ZNF385D: variants seen among roughly 807,000 people sequenced by gnomAD.
ZNF385D encodes the protein zinc finger protein 385D.
Under a neutral mutation model 35.8 loss-of-function variants are expected in ZNF385D, and 15 were observed. The observed-to-expected ratio is 0.42, with a 90% CI of 0.28 to 0.64. The LOEUF is 0.64. Among genes scored for constraint, ZNF385D ranks in the 30% least tolerant of loss-of-function variants. ZNF385D has a pLI of 0.23. For missense variants in ZNF385D, 474 were observed against 494.6 expected (o/e 0.96, Z 0.39); for synonymous variants, 212 against 186.8 (o/e 1.13, Z -1.10).
At chr3:21,812,243 T>A (rs560561278) in intron 3 of ZNF385D, among the ~76,000 whole-genome samples, 1 of 152,194 alleles carries the variant, frequency 6.6e-6, no homozygotes, top group African/African-American at 2.4e-5. Flanking sequence ...TCCAAGATGG[T>A]CGAATAGGAA....
At chr3:22,210,513 C>G (rs1465213699) in intron 2 of ZNF385D, among the ~76,000 whole-genome samples, 2 of 151,714 alleles carry the variant, frequency 1.3e-5, no homozygotes, top group African/African-American at 4.8e-5. Flanking sequence ...CTGAAAATAC[C>G]ATGCCAAGAA....
chr3:22,336,480 A>G (rs1695164460), intron 2 of ZNF385D, among the ~76,000 whole-genome samples: 1 of 152,070 alleles, frequency 6.6e-6, no homozygotes. Context: ...CTATTTTTAT[A>G]TTCTATGTGA....
chr3:22,175,360 T>A (rs1053556358), intron 2 of ZNF385D, among the ~76,000 whole-genome samples: 3 of 151,984 alleles, frequency 2.0e-5, no homozygotes, highest in African/African-American at 4.8e-5. Context: ...TGTCATGGGA[T>A]TAGATACTGC....
intron 2 of ZNF385D, among the ~76,000 whole-genome samples, chr3:22,288,473 CCTGT>C (rs765784543): frequency 7.9e-5 from 12 of 151,966 alleles, no homozygotes; most frequent in Non-Finnish European, 1.8e-4. Context: ...TTTCCAGTGA[CCTGT>C]CTTTGAGTTC....
In ZNF385D at chr3:22,049,482, C is replaced by T. The variant is rs538333103; in HGVS notation, c.325+119335G>A. Among the ~76,000 whole-genome samples, 6 of 152,096 alleles carry T rather than the reference C, an allele frequency of 3.9e-5. No individual in the cohort carries two copies. The East Asian group carries it at 9.7e-4, about 24-fold the overall frequency. On this transcript the variant is annotated intron_variant, in intron 3 of 5. Coordinates refer to the ZNF385D transcript ENST00000494108. The stretch of plus-strand genomic sequence containing the variant: ...AAACAAGTGTACCCATGTCCTCCAC[C>T]TTCCTTCCCATCGGATGCCTTTTAT...
chr3:22,260,204 T>C (rs1700550404), intron 2 of ZNF385D, among the ~76,000 whole-genome samples: 1 of 151,920 alleles, frequency 6.6e-6, no homozygotes, highest in African/African-American at 2.4e-5. Flanking sequence ...ATCCAAGAAA[T>C]GGAAGCCTTC....
chr3:21,779,196 T>G (rs1020932597), intron 3 of ZNF385D, among the ~76,000 whole-genome samples: 1 of 151,920 alleles, frequency 6.6e-6, no homozygotes, highest in Non-Finnish European at 1.5e-5. Flanking sequence ...TCAGTGTCAT[T>G]AAGACCACTG....
At chr3:21,830,235 T>C (rs983492036) in intron 3 of ZNF385D, among the ~76,000 whole-genome samples, 2 of 152,242 alleles carry the variant, frequency 1.3e-5, no homozygotes, top group African/African-American at 2.4e-5. Flanking sequence ...ACTCTGTCTG[T>C]TATGCACATG....
intron 3 of ZNF385D, among the ~76,000 whole-genome samples, chr3:21,921,987 C>G (rs553624349): frequency 2.0e-5 from 3 of 152,132 alleles, no homozygotes; most frequent in Middle Eastern, 3.2e-3. Flanking sequence ...TTCTTCCTAA[C>G]TCATGTTATG....
At chr3:21,560,280 C>T (rs1421867595) in intron 3 of ZNF385D, among the ~76,000 whole-genome samples, 1 of 152,186 alleles carries the variant, frequency 6.6e-6, no homozygotes, top group Non-Finnish European at 1.5e-5. Flanking sequence ...GCTGGTTTCT[C>T]CCCATCTTCG....
At chr3:22,027,690 C>A (rs1433802035) in intron 3 of ZNF385D, among the ~76,000 whole-genome samples, 2 of 152,256 alleles carry the variant, frequency 1.3e-5, no homozygotes, top group Non-Finnish European at 2.9e-5. Flanking sequence ...CAGCTGCATT[C>A]CATCATCAAA....
chr3:21,437,701 C>CAAAAAAAAAAAAAAAAAAAAAAA (rs751739275), intron 4 of ZNF385D, among the ~76,000 whole-genome samples: 1 of 77,196 alleles, frequency 1.3e-5, no homozygotes, highest in Non-Finnish European at 2.3e-5. Context: ...AATGCTTATA[C>CAAAAAAAAAAAAAAAAAAAAAAA]AAAAAAAAAA....
intron 2 of ZNF385D, among the ~76,000 whole-genome samples, chr3:21,629,342 G>A (rs1368470845): frequency 1.3e-5 from 2 of 152,068 alleles, no homozygotes; most frequent in African/African-American, 4.8e-5. Context: ...TCCCTGCATA[G>A]CATTCTATAA....
At chr3:21,765,398 A>G (rs2070783759) in intron 3 of ZNF385D, among the ~76,000 whole-genome samples, 1 of 152,122 alleles carries the variant, frequency 6.6e-6, no homozygotes, top group African/African-American at 2.4e-5. Context: ...TATGAAATAC[A>G]CAGGGCTTTC....
At chr3:22,094,624 A>G (rs1015542390) in intron 3 of ZNF385D, among the ~76,000 whole-genome samples, 1 of 151,860 alleles carries the variant, frequency 6.6e-6, no homozygotes, top group African/African-American at 2.4e-5. Context: ...CATCTCAGCC[A>G]TCCCAGTGAG....
chr3:21,601,955 T>C (rs1329425439), intron 2 of ZNF385D, among the ~76,000 whole-genome samples: 1 of 152,204 alleles, frequency 6.6e-6, no homozygotes, highest in Non-Finnish European at 1.5e-5. Flanking sequence ...GCACGTGTAT[T>C]AGTCCATTCT....
At chr3:22,218,861 A>G (rs1698063578) in intron 2 of ZNF385D, among the ~76,000 whole-genome samples, 1 of 152,180 alleles carries the variant, frequency 6.6e-6, no homozygotes, top group Admixed American at 6.6e-5. Flanking sequence ...GATCTGAGAT[A>G]TCTAGGTAGC....
chr3:21,784,144 A>C (rs1301186630), intron 3 of ZNF385D, among the ~76,000 whole-genome samples: 2 of 152,206 alleles, frequency 1.3e-5, no homozygotes, highest in Non-Finnish European at 2.9e-5. Context: ...AGTTACTGGA[A>C]GAGAAGTCTG....
chr3:22,025,331 C>T (rs952350917), intron 3 of ZNF385D, among the ~76,000 whole-genome samples: 5 of 152,160 alleles, frequency 3.3e-5, no homozygotes, highest in South Asian at 2.1e-4. Flanking sequence ...CCCCCAAAAC[C>T]TCTGTTTGCT....
Sources: allele counts gnomAD v4.1 joint callset (sites outside exome capture counted in the v4.1 genomes callset), GRCh38; gene constraint gnomAD v4.1.1; transcripts MANE v1.5; gene names NCBI Gene and HGNC (gene_info 2026-07-23, HGNC 2026-07-21).